PAM: variants seen among roughly 807,000 people sequenced by gnomAD.
PAM encodes peptidyl-glycine alpha-amidating monooxygenase.
A neutral mutation model predicts 122.1 loss-of-function variants in PAM; 72 were observed. The observed-to-expected ratio is 0.59, with a 90% CI of 0.49 to 0.72. The LOEUF is 0.72. Among genes scored for constraint, PAM ranks in the 30% least tolerant of loss-of-function variants. The probability of loss-of-function intolerance (pLI) is 0.00; values close to 1 mark genes in which losing one functional copy is unlikely to be tolerated. For missense variants in PAM, 1,106 were observed against 1,183.7 expected (o/e 0.93, Z 0.96); for synonymous variants, 389 against 404.4 (o/e 0.96, Z 0.46).
intron 3 of PAM, among the ~76,000 whole-genome samples, chr5:102,879,554 G>C (rs1417658706): frequency 6.6e-6 from 1 of 152,076 alleles, no homozygotes; most frequent in Non-Finnish European, 1.5e-5. Flanking sequence ...TTGTTTAAAA[G>C]TGTGTAGTAC....
At position 103,007,192 on chromosome 5, in the gene PAM, T is replaced by TACACACACACACACACAC. The variant is rs56140031; in HGVS notation, c.2014+194_2014+211dup. Among the ~76,000 whole-genome samples the TACACACACACACACACAC allele has an allele frequency of 3.9e-3, 548 of 141,538 alleles. 3 individuals carry two copies. Among genetic ancestry groups the TACACACACACACACACAC allele is most frequent in the African/African-American group, 8.9e-3 (345 of 38,706 alleles). 92.9% of individuals were successfully genotyped at this position (141,538 alleles called of 152,430 possible). On this transcript the variant is annotated intron_variant, in intron 19 of 25. Coordinates refer to ENST00000438793, the MANE Select transcript of PAM (RefSeq NM_001177306.2). Reference sequence around the variant, plus strand: ...ACACACACACACACACACATATACATACACACACACACACACACACACACA... The same window carrying TACACACACACACACACAC: ...ACACACACACACACACACATATACATACACACACACACACACACACACACACACACACACACACACACA...
At chr5:102,809,405 TG>T (rs1030979047) in intron 1 of PAM, among the ~76,000 whole-genome samples, 5 of 148,096 alleles carry the variant, frequency 3.4e-5, no homozygotes, top group Admixed American at 3.3e-4. Flanking sequence ...TTAAATTTAA[TG>T]GAAGTGGTAG....
Position 102,959,855 on chromosome 5 carries a change from T to C in PAM, c.906-20T>C. ...TTTTATGTGAATAGTTGATTTGTTA[T>C]ATCTTTTTTTTGCCTGCAGTGGCAC... is the stretch of plus-strand genomic sequence containing the variant. On this transcript the variant is annotated intron_variant, in intron 12 of 25. Coordinates refer to ENST00000438793, the MANE Select transcript of PAM (RefSeq NM_001177306.2). 1 of 1,575,752 alleles carries C rather than the reference T, an allele frequency of 6.3e-7. No individual in the cohort carries two copies. Among genetic ancestry groups the C allele is most frequent in the Non-Finnish European group, 8.7e-7 (1 of 1,146,310 alleles).
At chr5:102,825,184 T>C (rs1177919563) in intron 1 of PAM, among the ~76,000 whole-genome samples, 6 of 152,250 alleles carry the variant, frequency 3.9e-5, no homozygotes, top group African/African-American at 1.4e-4. Context: ...ATTAAATGGC[T>C]AATATTTTTA....
intron 3 of PAM, among the ~76,000 whole-genome samples, chr5:102,883,686 G>A (rs1334808004): frequency 4.6e-5 from 7 of 151,756 alleles, no homozygotes; most frequent in African/African-American, 1.4e-4. Context: ...CCTGATTAAC[G>A]ATGTGAATGC....
At chr5:102,877,259 G>A (rs6885642) in intron 3 of PAM, among the ~76,000 whole-genome samples, 18,046 of 152,210 alleles carry the variant, frequency 0.12, 2,544 homozygotes, top group African/African-American at 0.33. Context: ...GCCCTGAACT[G>A]CATTACAATG....
intron 1 of PAM, among the ~76,000 whole-genome samples, chr5:102,841,695 C>A (rs774144274): frequency 5.3e-5 from 8 of 152,052 alleles, no homozygotes; most frequent in Non-Finnish European, 1.0e-4. Flanking sequence ...TAAATTTTGT[C>A]ATAATCAAAA....
At chr5:102,971,279 T>G (rs1421669246) in intron 14 of PAM, among the ~76,000 whole-genome samples, 1 of 152,242 alleles carries the variant, frequency 6.6e-6, no homozygotes, top group Non-Finnish European at 1.5e-5. Context: ...CTTTATGATA[T>G]GTACTGGACT....
chr5:102,890,050 T>C (rs1284950018), intron 3 of PAM, among the ~76,000 whole-genome samples: 1 of 151,974 alleles, frequency 6.6e-6, no homozygotes, highest in East Asian at 1.9e-4. Flanking sequence ...TTCCTTGTAA[T>C]GTATTTGTGA....
intron 5 of PAM, among the ~76,000 whole-genome samples, chr5:102,922,821 A>C (rs1747916494): frequency 6.8e-6 from 1 of 147,704 alleles, no homozygotes. Flanking sequence ...AACAGCAGTG[A>C]TATACAAAGT....
chr5:102,823,182 T>C (rs538257830), intron 1 of PAM, among the ~76,000 whole-genome samples: 1 of 152,168 alleles, frequency 6.6e-6, no homozygotes, highest in Non-Finnish European at 1.5e-5. Flanking sequence ...TCTCAGGCTT[T>C]AGCTAACACT....
At chr5:102,947,063 C>T (rs1026781021) in intron 8 of PAM, among the ~76,000 whole-genome samples, 178 bp downstream of exon 8, 1 of 152,182 alleles carries the variant, frequency 6.6e-6, no homozygotes, top group Non-Finnish European at 1.5e-5. Context: ...TTAGCTGGAT[C>T]CTCAGGCATG....
chr5:102,887,236 G>T (rs536485802), intron 3 of PAM, among the ~76,000 whole-genome samples: 2 of 151,954 alleles, frequency 1.3e-5, no homozygotes, highest in Non-Finnish European at 2.9e-5. Context: ...ATGGGGGTGA[G>T]TGAGAATGGA....
intron 16 of PAM, among the ~76,000 whole-genome samples, chr5:102,996,744 A>G (rs1254389717): frequency 1.3e-5 from 2 of 152,174 alleles, no homozygotes; most frequent in Non-Finnish European, 2.9e-5. Context: ...AAACATCACA[A>G]TGATTTTAAA....
chr5:102,914,210 T>A (rs925056192), intron 5 of PAM, among the ~76,000 whole-genome samples, 189 bp downstream of exon 5: 1 of 152,050 alleles, frequency 6.6e-6, no homozygotes, highest in Non-Finnish European at 1.5e-5. Context: ...ATAGAGCATA[T>A]CTATCAGCCT....
At chr5:102,783,928 G>A (rs186421359) in intron 1 of PAM, among the ~76,000 whole-genome samples, 1 of 146,690 alleles carries the variant, frequency 6.8e-6, no homozygotes, top group Non-Finnish European at 1.5e-5. Context: ...GTGGAGTCTC[G>A]CTCTGTCACC....
At chr5:102,840,334 T>G (rs182032737) in intron 1 of PAM, among the ~76,000 whole-genome samples, 1 of 152,264 alleles carries the variant, frequency 6.6e-6, no homozygotes, top group Non-Finnish European at 1.5e-5. Context: ...TAGAGAATAA[T>G]CATTATGATT....
chr5:102,922,193 C>T lies in PAM; in HGVS notation c.357-2764C>T, dbSNP rs78257358. 3.5e-3 allele frequency among the ~76,000 whole-genome samples: 523 copies of T among 151,546 alleles called. 5 individuals carry two copies. Among genetic ancestry groups the T allele is most frequent in the Admixed American group, 0.014 (210 of 15,158 alleles). Reference sequence around the variant, plus strand: ...GGGACTTCAGCATGAAGATATTATCCTACATACTTGTACTCGAAGTCCTCA... The same window carrying T: ...GGGACTTCAGCATGAAGATATTATCTTACATACTTGTACTCGAAGTCCTCA... On this transcript the variant is annotated intron_variant, in intron 5 of 25. Coordinates refer to ENST00000438793, the MANE Select transcript of PAM (RefSeq NM_001177306.2).
intron 5 of PAM, among the ~76,000 whole-genome samples, chr5:102,921,558 C>CA (rs1747463216): frequency 6.6e-6 from 1 of 152,076 alleles, no homozygotes; most frequent in Admixed American, 6.5e-5. Flanking sequence ...ATTCTTTACT[C>CA]AGTCTTGAGT....
Sources: gnomAD v4.1 joint callset for allele counts (sites outside exome capture counted in the v4.1 genomes callset) on GRCh38, gnomAD v4.1.1 for gene constraint, MANE v1.5 for transcripts, NCBI Gene and HGNC (gene_info 2026-07-23, HGNC 2026-07-21) for gene names.